SDC3: variants seen among roughly 807,000 people sequenced by gnomAD.
The protein encoded by SDC3 is syndecan 3, also known as syndecan-3.
In SDC3, 13 loss-of-function variants were observed where a neutral mutation model predicts 24.4. The observed-to-expected ratio is 0.53, with a 90% CI of 0.35 to 0.85. The LOEUF is 0.85. SDC3 is among the 40% of genes least tolerant of loss of function. The probability of loss-of-function intolerance (pLI) is 0.01; values close to 1 mark genes in which losing one functional copy is unlikely to be tolerated. For missense variants in SDC3, 571 were observed against 584.5 expected (o/e 0.98, Z 0.24); for synonymous variants, 295 against 260.9 (o/e 1.13, Z -1.26).
At chr1:30,909,600 C>A (rs142436607), upstream of SDC3, among the ~76,000 whole-genome samples, 126 of 152,244 alleles carry the variant, frequency 8.3e-4, 1 homozygote, top group African/African-American at 2.8e-3. Flanking sequence ...AGCGGCATAC[C>A]CCATGCTGTT....
chr1:30,874,628 G>A (rs750819574), intron 3 of SDC3, 40 bp from the exon 4 acceptor site: 58 of 1,585,668 alleles, frequency 3.7e-5, no homozygotes, highest in Non-Finnish European at 4.9e-5. Context: ...AACCACACAT[G>A]CATGCATAAC....
At chr1:30,901,805 G>A (rs534093078) in intron 1 of SDC3, among the ~76,000 whole-genome samples, 1 of 76,160 alleles carries the variant, frequency 1.3e-5, no homozygotes, top group East Asian at 8.0e-4. Context: ...ACCAAGGCAG[G>A]TGAATGGAAA....
chr1:30,908,048 C>A (rs1304430297), intron 1 of SDC3, among the ~76,000 whole-genome samples: 1 of 152,172 alleles, frequency 6.6e-6, no homozygotes, highest in African/African-American at 2.4e-5. Flanking sequence ...GCCTCCCAGG[C>A]CAGCGCAGGG....
intron 4 of SDC3, 111 bp downstream of exon 4, chr1:30,874,186 A>C: frequency 1.1e-6 from 1 of 887,232 alleles, no homozygotes; most frequent in Non-Finnish European, 1.7e-6. Flanking sequence ...GGCTCCTAGG[A>C]AACCACGCCC....
At chr1:30,903,247 G>C (rs1385193276) in intron 1 of SDC3, among the ~76,000 whole-genome samples, 1 of 152,150 alleles carries the variant, frequency 6.6e-6, no homozygotes, top group East Asian at 1.9e-4. Context: ...GGGGGTTAAA[G>C]GCAGGCCTGG....
intron 1 of SDC3, 160 bp from the exon 2 acceptor site, chr1:30,878,900 C>T: frequency 1.6e-6 from 1 of 622,758 alleles, no homozygotes; most frequent in Non-Finnish European, 2.9e-6. Flanking sequence ...GAATAATTCA[C>T]AGGGCAGGGG....
chr1:30,903,984 G>A (rs1463350138), intron 1 of SDC3, among the ~76,000 whole-genome samples: 1 of 152,072 alleles, frequency 6.6e-6, no homozygotes, highest in Non-Finnish European at 1.5e-5. Context: ...AGCACTTTGC[G>A]GGGGCCGAGG....
chr1:30,884,664 C>T (rs1024867089), intron 1 of SDC3, among the ~76,000 whole-genome samples: 10 of 152,298 alleles, frequency 6.6e-5, no homozygotes, highest in African/African-American at 1.7e-4. Context: ...CCTCCAAGAC[C>T]GTGGACAAAT....
intron 1 of SDC3, among the ~76,000 whole-genome samples, chr1:30,897,697 C>T (rs1219443652): frequency 6.6e-6 from 1 of 152,180 alleles, no homozygotes; most frequent in Non-Finnish European, 1.5e-5. Context: ...AGATGGGACT[C>T]CAGGGGCAGG....
chr1:30,900,667 G>C (rs1014033679), intron 1 of SDC3, among the ~76,000 whole-genome samples: 1 of 152,174 alleles, frequency 6.6e-6, no homozygotes, highest in African/African-American at 2.4e-5. Flanking sequence ...CCCAGGGAGG[G>C]GGACAGGTCT....
chr1:30,877,207 G>T, intron 2 of SDC3, 42 bp from the exon 3 acceptor site: 1 of 1,612,320 alleles, frequency 6.2e-7, no homozygotes, highest in Non-Finnish European at 8.5e-7. Flanking sequence ...GGAGCTGGGT[G>T]GTTGTGAGGG....
chr1:30,901,362 T>C (rs1166725522), intron 1 of SDC3, among the ~76,000 whole-genome samples: 2 of 152,136 alleles, frequency 1.3e-5, no homozygotes, highest in East Asian at 3.9e-4. Flanking sequence ...CCAGGGCCCA[T>C]GTGACAGACA....
At chr1:30,900,685 C>T (rs755475586) in intron 1 of SDC3, among the ~76,000 whole-genome samples, 2 of 152,184 alleles carry the variant, frequency 1.3e-5, no homozygotes, top group African/African-American at 4.8e-5. Flanking sequence ...TCTAATGAGC[C>T]GCCCACAGCC....
chr1:30,886,881 G>C (rs1327645569), intron 1 of SDC3, among the ~76,000 whole-genome samples: 1 of 152,086 alleles, frequency 6.6e-6, no homozygotes, highest in East Asian at 1.9e-4. Context: ...TCACAGATGG[G>C]CAAACTAAAA....
intron 1 of SDC3, among the ~76,000 whole-genome samples, chr1:30,882,585 G>A (rs1639762027): frequency 6.6e-6 from 1 of 152,070 alleles, no homozygotes; most frequent in East Asian, 1.9e-4. Context: ...GGCTGTGATG[G>A]GTGAGGGTCC....
At chr1:30,899,151 A>G (rs912373595) in intron 1 of SDC3, among the ~76,000 whole-genome samples, 4 of 152,148 alleles carry the variant, frequency 2.6e-5, no homozygotes, top group African/African-American at 7.2e-5. Flanking sequence ...CAGTGGCACA[A>G]TCTCAGTTCA....
intron 1 of SDC3, among the ~76,000 whole-genome samples, chr1:30,884,669 A>G (rs72882074): frequency 0.34 from 51,582 of 151,898 alleles, 11,477 homozygotes; most frequent in African/African-American, 0.61. Context: ...AAGACCGTGG[A>G]CAAATCCTCT....
At chr1:30,896,975 A>C (rs1029737996) in intron 1 of SDC3, among the ~76,000 whole-genome samples, 2 of 152,186 alleles carry the variant, frequency 1.3e-5, no homozygotes, top group Non-Finnish European at 2.9e-5. Flanking sequence ...AAACAAAAAA[A>C]CAGGAGCGTG....
chr1:30,870,151 G>A lies in SDC3; in HGVS notation c.*3060C>T, dbSNP rs1345324471. The A allele has an allele frequency of 5.3e-6, 2 of 378,448 alleles. No homozygotes were observed. Among genetic ancestry groups the A allele is most frequent in the East Asian group, 3.8e-5 (1 of 26,558 alleles). The allele number at this position is 378,448 out of a possible 1,614,324, so 23.4% of individuals were successfully genotyped here. A position where few individuals can be genotyped will look rare whatever the true frequency, so the allele number is the denominator to read the frequency against. ...CCCTGTGTCCAGGGGCCCCCACCAG[G>A]AGGCCTGACAGGCGGCTTTGCCAAC... On this transcript the variant is annotated 3_prime_UTR_variant, in exon 5 of 5. Coordinates refer to ENST00000339394, the MANE Select transcript of SDC3 (RefSeq NM_014654.4).
Sources: allele counts gnomAD v4.1 joint callset (sites outside exome capture counted in the v4.1 genomes callset), GRCh38; gene constraint gnomAD v4.1.1; transcripts MANE v1.5; gene names NCBI Gene and HGNC (gene_info 2026-07-23, HGNC 2026-07-21).